DMD: variants seen among roughly 807,000 people sequenced by gnomAD.
DMD encodes mutant dystrophin.
A neutral mutation model predicts 330.1 loss-of-function variants in DMD; 63 were observed. The observed-to-expected ratio is 0.19, with a 90% CI of 0.16 to 0.24. DMD has a LOEUF of 0.24. Among genes scored for constraint, DMD ranks in the 10% least tolerant of loss-of-function variants. DMD has a pLI of 1.00. For synonymous variants in DMD, 1,223 were observed against 959.8 expected, an observed-to-expected ratio of 1.27 and a Z score of -5.07; for missense variants, 3,344 against 2,684.1, an observed-to-expected ratio of 1.25 and a Z score of -5.43.
chrX:32,675,486 T>G (rs1204265280), intron 9 of DMD, among the ~76,000 whole-genome samples: 3 of 111,956 alleles, frequency 2.7e-5, no homozygotes, highest in African/African-American at 9.7e-5. Flanking sequence ...GTATTTTACC[T>G]TCTTATTTTC....
chrX:31,308,613 T>C (rs1025616348), intron 62 of DMD, among the ~76,000 whole-genome samples: 4 of 111,912 alleles, frequency 3.6e-5, no homozygotes, highest in Middle Eastern at 4.6e-3. Flanking sequence ...AGTCTTGCTA[T>C]ATTGCTCAGC....
intron 61 of DMD, among the ~76,000 whole-genome samples, chrX:31,331,706 T>A (rs963906104): frequency 8.9e-6 from 1 of 112,112 alleles, no homozygotes; most frequent in Non-Finnish European, 1.9e-5. Flanking sequence ...GTCAGGTTAC[T>A]AACAAGTCAA....
chrX:32,497,523 T>C (rs766117377), intron 19 of DMD, among the ~76,000 whole-genome samples: 3 of 112,064 alleles, frequency 2.7e-5, no homozygotes, highest in Non-Finnish European at 3.8e-5. Flanking sequence ...GGTGAAAGGA[T>C]CTTAGAGACT....
chrX:31,272,245 C>T (rs921890004), intron 62 of DMD, among the ~76,000 whole-genome samples: 1 of 112,260 alleles, frequency 8.9e-6, no homozygotes, highest in East Asian at 2.8e-4. Context: ...TTAGCATCTT[C>T]ACTAAAATAA....
In DMD at chrX:32,600,547, C is replaced by CA. The variant is rs199627872; in HGVS notation, c.1483-4672dup. On this transcript the variant is annotated intron_variant, in intron 12 of 78. Coordinates refer to ENST00000357033, the MANE Select transcript of DMD (RefSeq NM_004006.3). ...TACTCCTCCGACTTCATTGAATACC[C>CA]AACAGCTAATTGCCGGTACTTGCAG... is the stretch of plus-strand genomic sequence containing the variant. Among the ~76,000 whole-genome samples, 302 of 103,983 alleles carry CA rather than the reference C, an allele frequency of 2.9e-3. 1 individual carries two copies. Among genetic ancestry groups the CA allele is most frequent in the African/African-American group, 0.011 (295 of 27,990 alleles). The allele number at this position is 103,983 out of a possible 115,157, so 90.3% of individuals were successfully genotyped here.
chrX:32,076,052 C>CAAAAAAAAAA (rs59686294), intron 44 of DMD, among the ~76,000 whole-genome samples: 1 of 18,745 alleles, frequency 5.3e-5, no homozygotes, highest in Non-Finnish European at 9.8e-5. Flanking sequence ...GACTCTGTCT[C>CAAAAAAAAAA]AAAAAAAAAA....
chrX:31,308,238 T>A (rs1000865791), intron 62 of DMD, among the ~76,000 whole-genome samples: 20 of 111,615 alleles, frequency 1.8e-4, no homozygotes, highest in South Asian at 3.7e-4. Context: ...AGCTTGGGAG[T>A]TTTGATAGAA....
At chrX:31,433,205 A>G (rs1445321148) in intron 60 of DMD, among the ~76,000 whole-genome samples, 1 of 111,810 alleles carries the variant, frequency 8.9e-6, no homozygotes, top group Non-Finnish European at 1.9e-5. Flanking sequence ...AGTTCCAACC[A>G]TGTTGCTACA....
At chrX:32,597,213 C>T (rs939344175) in intron 12 of DMD, among the ~76,000 whole-genome samples, 1 of 111,801 alleles carries the variant, frequency 8.9e-6, no homozygotes, top group African/African-American at 3.3e-5. Context: ...TCCAATGTTG[C>T]TCCCTAGTAA....
At position 32,746,171 on chromosome X, in the gene DMD, C is replaced by T. The variant is rs183109328; in HGVS notation, c.650-46878G>A. Among the ~76,000 whole-genome samples, 215 of 111,764 alleles carry T rather than the reference C, an allele frequency of 1.9e-3. 1 individual carries two copies. Among genetic ancestry groups the T allele is most frequent in the Non-Finnish European group, 2.5e-3 (134 of 53,130 alleles). On this transcript the variant is annotated intron_variant, in intron 7 of 78. Coordinates refer to ENST00000357033, the MANE Select transcript of DMD (RefSeq NM_004006.3). ...GAGTAAAATGTTACTGGCATATTCC[C>T]ATGTTTAGACAGATTTGCAAATAGC...
intron 47 of DMD, among the ~76,000 whole-genome samples, chrX:31,920,692 C>G (rs1025960690): frequency 4.5e-5 from 5 of 112,310 alleles, no homozygotes; most frequent in African/African-American, 1.6e-4. Context: ...CCTCCTTTCT[C>G]TTTTCATCAT....
chrX:31,265,778 G>A (rs143572866), intron 62 of DMD, among the ~76,000 whole-genome samples: 2,954 of 60,761 alleles, frequency 0.049, 104 homozygotes, highest in Non-Finnish European at 0.076. Context: ...GGTTGATTGG[G>A]GGTGTGGGGG....
intron 43 of DMD, among the ~76,000 whole-genome samples, chrX:32,279,958 G>A (rs866496473): frequency 3.0e-5 from 2 of 67,464 alleles, no homozygotes; most frequent in Non-Finnish European, 6.4e-5. Context: ...ACATATATAT[G>A]TGTAACCCAT....
At chrX:32,579,337 A>AT (rs1182613271) in intron 13 of DMD, among the ~76,000 whole-genome samples, 2 of 112,058 alleles carry the variant, frequency 1.8e-5, no homozygotes, top group Non-Finnish European at 3.8e-5. Flanking sequence ...AACTCAAGGA[A>AT]TTTTTAGCTG....
At chrX:33,097,007 CAAAATTAT>C (rs1431175896) in intron 1 of DMD, among the ~76,000 whole-genome samples, 24 of 111,594 alleles carry the variant, frequency 2.2e-4, no homozygotes, top group Middle Eastern at 4.7e-3. Context: ...CCAGCAGAAT[CAAAATTAT>C]AAGAAATTAT....
At chrX:31,688,443 C>T (rs1480639776) in intron 52 of DMD, among the ~76,000 whole-genome samples, 1 of 111,619 alleles carries the variant, frequency 9.0e-6, no homozygotes, top group African/African-American at 3.3e-5. Context: ...CCTGAATAGA[C>T]CAATAACAGG....
chrX:32,885,643 T>A (rs180892086), intron 2 of DMD, among the ~76,000 whole-genome samples: 88 of 111,087 alleles, frequency 7.9e-4, no homozygotes, highest in African/African-American at 2.7e-3. Context: ...AAAAGCTAGA[T>A]GATGTTGTTA....
At chrX:32,492,649 T>C (rs2043119339) in intron 19 of DMD, among the ~76,000 whole-genome samples, 1 of 112,351 alleles carries the variant, frequency 8.9e-6, no homozygotes. Flanking sequence ...CGCTGTGCTA[T>C]GGGTTAAAAT....
chrX:33,228,461 A>T (rs1446255112), intron 1 of DMD, among the ~76,000 whole-genome samples: 1 of 110,146 alleles, frequency 9.1e-6, no homozygotes, highest in Non-Finnish European at 1.9e-5. Flanking sequence ...AATAGTTTAA[A>T]ATCTCTATAT....
Sources: gnomAD v4.1 joint callset for allele counts (sites outside exome capture counted in the v4.1 genomes callset) on GRCh38, gnomAD v4.1.1 for gene constraint, MANE v1.5 for transcripts, NCBI Gene and HGNC (gene_info 2026-07-23, HGNC 2026-07-21) for gene names.